KLF8: variants seen among roughly 807,000 people sequenced by gnomAD.
The protein encoded by KLF8 is Krueppel-like factor 8.
A neutral mutation model predicts 18.2 loss-of-function variants in KLF8; 10 were observed. The observed-to-expected ratio is 0.55, with a 90% CI of 0.34 to 0.93. KLF8 has a LOEUF of 0.93. Ranked by LOEUF, KLF8 falls within the 40% of genes least tolerant of loss-of-function variation. KLF8 has a pLI of 0.02. For synonymous variants in KLF8, 109 were observed against 97.3 expected, an observed-to-expected ratio of 1.12 and a Z score of -0.71; for missense variants, 264 against 277.9, an observed-to-expected ratio of 0.95 and a Z score of 0.36.
chrX:56,119,426 C>A, the KLF8 span, among the ~76,000 whole-genome samples: 1 of 110,735 alleles, frequency 9.0e-6, no homozygotes, highest in Non-Finnish European at 1.9e-5. Flanking sequence ...TTTTTTGAGA[C>A]AGAGTCTCCT....
the KLF8 span, among the ~76,000 whole-genome samples, chrX:56,010,605 C>T: frequency 1.6e-4 from 18 of 111,720 alleles, no homozygotes; most frequent in East Asian, 8.5e-4. Context: ...CAAATTCACA[C>T]ATAACAATAT....
the KLF8 span, among the ~76,000 whole-genome samples, chrX:56,113,506 G>T: frequency 2.0e-5 from 2 of 99,533 alleles, no homozygotes; most frequent in Non-Finnish European, 3.9e-5. Flanking sequence ...TGTTACTGAA[G>T]TCTCCATTTT....
chrX:56,180,305 T>C, the KLF8 span, among the ~76,000 whole-genome samples: 118 of 112,291 alleles, frequency 1.1e-3, no homozygotes, highest in Middle Eastern at 4.6e-3. Context: ...TTTGTATTTC[T>C]TTGGGATCAA....
chrX:56,275,721 C>T (rs1008584706), intron 5 of KLF8, among the ~76,000 whole-genome samples: 1 of 112,561 alleles, frequency 8.9e-6, no homozygotes, highest in African/African-American at 3.2e-5. Context: ...TGAATTTTAT[C>T]AAATACTTTT....
At chrX:56,168,347 A>T in the KLF8 span, among the ~76,000 whole-genome samples, 3 of 112,154 alleles carry the variant, frequency 2.7e-5, no homozygotes, top group Non-Finnish European at 5.6e-5. Flanking sequence ...AATTTAACCA[A>T]AATAAAATAT....
chrX:56,017,823 T>C, the KLF8 span, among the ~76,000 whole-genome samples: 1 of 112,156 alleles, frequency 8.9e-6, no homozygotes, highest in East Asian at 2.8e-4. Flanking sequence ...AAGACTGTTT[T>C]ACCTCTTCTC....
chrX:55,973,299 C>T, the KLF8 span, among the ~76,000 whole-genome samples: 2 of 111,286 alleles, frequency 1.8e-5, no homozygotes, highest in Non-Finnish European at 3.8e-5. Context: ...GCCATGGCAA[C>T]GATTTCATGT....
At chrX:56,189,477 C>T in the KLF8 span, among the ~76,000 whole-genome samples, 1 of 111,108 alleles carries the variant, frequency 9.0e-6, no homozygotes, top group African/African-American at 3.3e-5. Context: ...CCTCAGGGAT[C>T]TAGAACTAGA....
chrX:56,261,224 A>T (rs1198376768), intron 2 of KLF8, among the ~76,000 whole-genome samples: 1 of 111,617 alleles, frequency 9.0e-6, no homozygotes, highest in Non-Finnish European at 1.9e-5. Context: ...CCTGATAAGG[A>T]TTCTGGGTAT....
At chrX:56,119,633 C>T in the KLF8 span, among the ~76,000 whole-genome samples, 12 of 110,032 alleles carry the variant, frequency 1.1e-4, no homozygotes, top group Admixed American at 1.1e-3. Flanking sequence ...AACTCCTGAC[C>T]TCATGATCCA....
At chrX:56,187,644 G>A in the KLF8 span, among the ~76,000 whole-genome samples, 4 of 111,029 alleles carry the variant, frequency 3.6e-5, no homozygotes, top group African/African-American at 6.6e-5. Flanking sequence ...GGCAAACCGA[G>A]TCCAGCAGCA....
chrX:55,956,126 TATTTATCTATCTATC>T, the KLF8 span, among the ~76,000 whole-genome samples: 4 of 75,648 alleles, frequency 5.3e-5, no homozygotes, highest in African/African-American at 2.9e-4. Context: ...AATATCTATC[TATTTATCTATCTATC>T]TATCTATCTA....
chrX:56,160,582 G>A, the KLF8 span, among the ~76,000 whole-genome samples: 4 of 111,427 alleles, frequency 3.6e-5, no homozygotes, highest in Non-Finnish European at 7.5e-5. Context: ...CCTGTATTGG[G>A]TGCATATATA....
At chrX:56,281,693 G>A (rs1048423330) in intron 5 of KLF8, among the ~76,000 whole-genome samples, 6 of 112,186 alleles carry the variant, frequency 5.3e-5, no homozygotes, top group African/African-American at 1.3e-4. Context: ...ACAGGCATGA[G>A]CCACCGCACC....
chrX:56,050,693 T>C, the KLF8 span, among the ~76,000 whole-genome samples: 1 of 112,213 alleles, frequency 8.9e-6, no homozygotes, highest in Admixed American at 9.4e-5. Flanking sequence ...TCCACCTATG[T>C]GGTCAATTTT....
At chrX:55,987,220 T>A in the KLF8 span, among the ~76,000 whole-genome samples, 2 of 109,718 alleles carry the variant, frequency 1.8e-5, no homozygotes, top group African/African-American at 6.6e-5. Flanking sequence ...TTTATTATAA[T>A]TTCAGTTTTA....
At chrX:56,016,189 T>C in the KLF8 span, among the ~76,000 whole-genome samples, 4 of 111,708 alleles carry the variant, frequency 3.6e-5, no homozygotes, top group Non-Finnish European at 7.5e-5. Context: ...AGCCTCAATA[T>C]AATGCTGGCA....
the KLF8 span, among the ~76,000 whole-genome samples, chrX:56,194,514 TCCA>T: frequency 8.9e-6 from 1 of 112,001 alleles, no homozygotes; most frequent in Non-Finnish European, 1.9e-5. Flanking sequence ...GGGAGGGGTG[TCCA>T]CCATTGCTGA....
chrX:56,269,945 C>T (rs1168834601), intron 4 of KLF8, among the ~76,000 whole-genome samples: 2 of 111,767 alleles, frequency 1.8e-5, no homozygotes, highest in African/African-American at 6.5e-5. Flanking sequence ...CTGAAGGAAA[C>T]ACTACCACCT....
Sources: gnomAD v4.1 joint callset for allele counts (sites outside exome capture counted in the v4.1 genomes callset) on GRCh38, gnomAD v4.1.1 for gene constraint, MANE v1.5 for transcripts, NCBI Gene and HGNC (gene_info 2026-07-23, HGNC 2026-07-21) for gene names.